The following ATE1 variants were observed in gnomAD, a reference collection of about 807,000 sequenced individuals.
The protein encoded by ATE1 is arginyltransferase 1.
A neutral mutation model predicts 70.5 loss-of-function variants in ATE1; 36 were observed. The ratio of observed to expected loss-of-function variants is 0.51; its 90% CI spans 0.39 to 0.67. ATE1 has a LOEUF of 0.67. Ranked by LOEUF, ATE1 falls within the 30% of genes least tolerant of loss-of-function variation. The probability of loss-of-function intolerance (pLI) is 0.00; values close to 1 mark genes in which losing one functional copy is unlikely to be tolerated. For synonymous variants in ATE1, 232 were observed against 219.3 expected, an observed-to-expected ratio of 1.06 and a Z score of -0.51; for missense variants, 593 against 629.5, an observed-to-expected ratio of 0.94 and a Z score of 0.62.
chr10:121,759,600 T>C (rs1241588549), intron 11 of ATE1, among the ~76,000 whole-genome samples: 2 of 151,900 alleles, frequency 1.3e-5, no homozygotes, highest in African/African-American at 4.8e-5. Context: ...GGCGGGCACC[T>C]GTAGTCCCAG....
chr10:121,799,362 G>C (rs796912322), intron 10 of ATE1, among the ~76,000 whole-genome samples: 7 of 152,204 alleles, frequency 4.6e-5, no homozygotes, highest in African/African-American at 1.7e-4. Context: ...TTTCTCTGAA[G>C]CAGCAGCTGG....
chr10:121,751,463 C>T (rs1489739599), intron 11 of ATE1, among the ~76,000 whole-genome samples: 1 of 152,194 alleles, frequency 6.6e-6, no homozygotes, highest in Non-Finnish European at 1.5e-5. Flanking sequence ...TCTCCACATC[C>T]TCATGAGCAC....
intron 4 of ATE1, 148 bp from the exon 5 acceptor site, chr10:121,911,299 G>A: frequency 9.6e-7 from 1 of 1,039,932 alleles, no homozygotes; most frequent in Non-Finnish European, 1.4e-6. Context: ...TAAGAGAGCT[G>A]CACTTAAGAC....
At chr10:121,840,211 A>G (rs968516553) in intron 9 of ATE1, among the ~76,000 whole-genome samples, 2 of 152,222 alleles carry the variant, frequency 1.3e-5, no homozygotes, top group Non-Finnish European at 2.9e-5. Flanking sequence ...TCTTTTGATG[A>G]GGGTCATAAA....
chr10:121,869,386 CT>C (rs1949773530), intron 8 of ATE1, among the ~76,000 whole-genome samples: 1 of 152,216 alleles, frequency 6.6e-6, no homozygotes, highest in African/African-American at 2.4e-5. Context: ...GCAAATGCAG[CT>C]CATAACGATA....
chr10:121,757,087 A>G (rs1342134478), intron 11 of ATE1, among the ~76,000 whole-genome samples: 1 of 152,168 alleles, frequency 6.6e-6, no homozygotes, highest in East Asian at 1.9e-4. Flanking sequence ...GGATGCTTAG[A>G]AATTTCTTCT....
chr10:121,836,970 A>C (rs1158670770), intron 9 of ATE1, among the ~76,000 whole-genome samples, 153 bp from the exon 10 acceptor site: 1 of 152,232 alleles, frequency 6.6e-6, no homozygotes. Context: ...TTAAAACACT[A>C]TACAATTTTT....
intron 11 of ATE1, among the ~76,000 whole-genome samples, chr10:121,770,978 G>A (rs1185572099): frequency 6.6e-6 from 1 of 152,072 alleles, no homozygotes; most frequent in African/African-American, 2.4e-5. Flanking sequence ...AGGGTGGCGG[G>A]GGGAGAAACA....
intron 7 of ATE1, among the ~76,000 whole-genome samples, chr10:121,876,742 G>A (rs192076819): frequency 3.3e-5 from 5 of 152,186 alleles, no homozygotes; most frequent in Non-Finnish European, 5.9e-5. Flanking sequence ...CGAGGCGGGC[G>A]GATCACGATG....
At chr10:121,908,641 A>T (rs1951297557) in intron 5 of ATE1, among the ~76,000 whole-genome samples, 1 of 152,238 alleles carries the variant, frequency 6.6e-6, no homozygotes, top group African/African-American at 2.4e-5. Flanking sequence ...GAATTTAAGC[A>T]TGGAACATCC....
rs114898137 is a variant in ATE1 at position 121,897,273 on chromosome 10, G to A, written c.942+2593C>T. ...TGGGGAAGTCTTGAATAAATACACCGGGCCACAGAAACATTTTGTCCAACT... is the reference window on the plus strand; with the variant it reads ...TGGGGAAGTCTTGAATAAATACACCAGGCCACAGAAACATTTTGTCCAACT... On this transcript the variant is annotated intron_variant, in intron 7 of 11. Transcript: ENST00000224652. 8.3e-3 allele frequency among the ~76,000 whole-genome samples: 1,258 copies of A among 152,216 alleles called. 20 individuals carry two copies. Among genetic ancestry groups the A allele is most frequent in the African/African-American group, 0.029 (1,203 of 41,526 alleles).
At chr10:121,786,103 G>A (rs183290140) in intron 11 of ATE1, among the ~76,000 whole-genome samples, 5 of 151,308 alleles carry the variant, frequency 3.3e-5, no homozygotes, top group African/African-American at 7.3e-5. Context: ...AAAAATATTT[G>A]AGGGGTCAAT....
rs561315316 is a variant in ATE1, at chr10:121,868,447, C to T, written c.975+1559G>A. On this transcript the variant is annotated intron_variant, in intron 8 of 11. Coordinates refer to ENST00000224652, the MANE Select transcript of ATE1 (RefSeq NM_001001976.3). Reference sequence around the variant, plus strand: ...CTTTGTTTTTTGATACTTTCCATTGCTTTTGAAGTTAGAAAGTGCTTCCAT... The same window carrying T: ...CTTTGTTTTTTGATACTTTCCATTGTTTTTGAAGTTAGAAAGTGCTTCCAT... 2.6e-5 allele frequency among the ~76,000 whole-genome samples: 4 copies of T among 152,158 alleles called. No individual in the cohort carries two copies. The East Asian group carries it at 5.8e-4, about 22-fold the overall frequency.
intron 9 of ATE1, among the ~76,000 whole-genome samples, chr10:121,838,464 C>A (rs1948510786): frequency 1.3e-5 from 2 of 152,186 alleles, no homozygotes. Flanking sequence ...CACCTCGAGG[C>A]ACTTAGATTT....
chr10:121,820,686 G>A (rs1478535511), intron 10 of ATE1, among the ~76,000 whole-genome samples: 1 of 152,204 alleles, frequency 6.6e-6, no homozygotes, highest in African/African-American at 2.4e-5. Context: ...AGTTAAACTA[G>A]TATTTTGCCC....
chr10:121,779,275 GC>G lies in ATE1; in HGVS notation c.1378+10893del, dbSNP rs564300643. Among the ~76,000 whole-genome samples, 35 of 152,290 alleles carry G rather than the reference GC, an allele frequency of 2.3e-4. No homozygotes were observed. In the South Asian group the frequency reaches 6.6e-3, roughly 29 times the overall value. On this transcript the variant is annotated intron_variant, in intron 11 of 11. Transcript: ENST00000224652. ...TTCCCAACCCTGGAAAAGCCGGGCT[GC>G]TGAAGAAGCATCACATCTACATAGA...
At chr10:121,912,271 A>G (rs1951469585) in intron 4 of ATE1, among the ~76,000 whole-genome samples, 1 of 152,140 alleles carries the variant, frequency 6.6e-6, no homozygotes, top group African/African-American at 2.4e-5. Context: ...CCTTTACTCT[A>G]ATGAGTACAT....
At chr10:121,825,183 C>T (rs1382946277) in intron 10 of ATE1, among the ~76,000 whole-genome samples, 2 of 151,514 alleles carry the variant, frequency 1.3e-5, no homozygotes, top group Admixed American at 6.6e-5. Context: ...CACTAATTCC[C>T]AAGATGGAAT....
intron 5 of ATE1, among the ~76,000 whole-genome samples, chr10:121,905,856 A>AC: frequency 6.3e-4 from 2 of 3,170 alleles, no homozygotes; most frequent in South Asian, 0.029. Flanking sequence ...CAAGAGAGAG[A>AC]AAAAAAAGTA....
Sources: allele counts gnomAD v4.1 joint callset (sites outside exome capture counted in the v4.1 genomes callset), GRCh38; gene constraint gnomAD v4.1.1; transcripts MANE v1.5; gene names NCBI Gene and HGNC (gene_info 2026-07-23, HGNC 2026-07-21).